The following MEF2A variants were observed in gnomAD, a reference collection of about 807,000 sequenced individuals.
MEF2A encodes myocyte-specific enhancer factor 2A.
A neutral mutation model predicts 55.8 loss-of-function variants in MEF2A; 28 were observed. The observed-to-expected ratio is 0.50, with a 90% confidence interval of 0.37 to 0.69. MEF2A has a LOEUF of 0.69. MEF2A is among the 30% of genes least tolerant of loss of function. The pLI is 0.00. For missense variants in MEF2A, 528 were observed against 626.2 expected (o/e 0.84, Z 1.67); for synonymous variants, 239 against 227.1 (o/e 1.05, Z -0.47).
intron 1 of MEF2A, among the ~76,000 whole-genome samples, chr15:99,595,325 A>G (rs12916210): frequency 0.046 from 7,074 of 152,174 alleles, 183 homozygotes; most frequent in African/African-American, 0.06. Flanking sequence ...TGCATTGTCT[A>G]TAGTTTTAAT....
At chr15:99,704,416 G>T (rs2153803022) in intron 9 of MEF2A, among the ~76,000 whole-genome samples, 1 of 152,274 alleles carries the variant, frequency 6.6e-6, no homozygotes, top group African/African-American at 2.4e-5. Context: ...AATATCTTTT[G>T]GAGAAACACT....
intron 4 of MEF2A, among the ~76,000 whole-genome samples, chr15:99,649,695 A>G (rs1264667512): frequency 6.6e-6 from 1 of 152,182 alleles, no homozygotes; most frequent in African/African-American, 2.4e-5. Context: ...AGGAAACTAC[A>G]GATGGAAATT....
chr15:99,681,268 T>G (rs1056365591), intron 7 of MEF2A, among the ~76,000 whole-genome samples: 4 of 152,192 alleles, frequency 2.6e-5, no homozygotes, highest in African/African-American at 4.8e-5. Flanking sequence ...GCAGGCACAT[T>G]GGCAGTTAAA....
At chr15:99,598,688 G>A (rs1972035928) in intron 2 of MEF2A, among the ~76,000 whole-genome samples, 177 bp downstream of exon 2, 1 of 152,134 alleles carries the variant, frequency 6.6e-6, no homozygotes, top group Admixed American at 6.6e-5. Context: ...GCGTAATATT[G>A]TGTAGTGGCA....
At chr15:99,678,981 G>T (rs1474225021) in intron 7 of MEF2A, among the ~76,000 whole-genome samples, 1 of 152,118 alleles carries the variant, frequency 6.6e-6, no homozygotes, top group Non-Finnish European at 1.5e-5. Context: ...TCTGATAAAT[G>T]TGAAGAAATG....
At chr15:99,612,714 A>T (rs980143710) in intron 2 of MEF2A, among the ~76,000 whole-genome samples, 9 of 152,264 alleles carry the variant, frequency 5.9e-5, no homozygotes, top group African/African-American at 1.9e-4. Flanking sequence ...TTTAAAAAAT[A>T]AATAAAGGAA....
intron 4 of MEF2A, among the ~76,000 whole-genome samples, chr15:99,655,060 G>A (rs1237327263): frequency 6.6e-6 from 1 of 152,090 alleles, no homozygotes; most frequent in East Asian, 1.9e-4. Flanking sequence ...AAACACAGTG[G>A]TAGAGAAAGG....
At chr15:99,705,068 G>A (rs2057865914) in intron 9 of MEF2A, among the ~76,000 whole-genome samples, 3 of 152,322 alleles carry the variant, frequency 2.0e-5, no homozygotes, top group South Asian at 4.1e-4. Context: ...AGCACAGTCC[G>A]TTACAACTTA....
At chr15:99,632,843 T>C (rs1453675787) in intron 2 of MEF2A, 135 bp from the exon 3 acceptor site, 2 of 283,752 alleles carry the variant, frequency 7.0e-6, no homozygotes, top group Non-Finnish European at 1.3e-5. Context: ...TCAACTTATT[T>C]ACTAATTTTG....
intron 3 of MEF2A, among the ~76,000 whole-genome samples, chr15:99,643,682 C>G (rs949377611): frequency 3.3e-5 from 5 of 151,318 alleles, no homozygotes; most frequent in Admixed American, 6.6e-5. Context: ...AGCTCTGCCT[C>G]CAGTGTTCAT....
intron 3 of MEF2A, among the ~76,000 whole-genome samples, chr15:99,634,195 A>T (rs189677127): frequency 1.3e-4 from 20 of 152,312 alleles, no homozygotes; most frequent in Non-Finnish European, 1.5e-5. Flanking sequence ...GAATATAGAT[A>T]TAATTGGAGA....
chr15:99,616,095 TA>T (rs1049991334), intron 2 of MEF2A, among the ~76,000 whole-genome samples: 4 of 151,412 alleles, frequency 2.6e-5, no homozygotes, highest in Admixed American at 2.0e-4. Flanking sequence ...GACTAGTTCT[TA>T]AAAAAAAATT....
At chr15:99,677,878 T>A (rs574318294) in intron 7 of MEF2A, among the ~76,000 whole-genome samples, 76 of 152,166 alleles carry the variant, frequency 5.0e-4, no homozygotes, top group African/African-American at 1.8e-3. Flanking sequence ...ATAACAAAGA[T>A]ACAAGCATTG....
intron 1 of MEF2A, among the ~76,000 whole-genome samples, chr15:99,582,516 T>A (rs1966231102): frequency 6.6e-6 from 1 of 152,122 alleles, no homozygotes; most frequent in South Asian, 2.1e-4. Context: ...GTAATAGATG[T>A]ATACACACTG....
intron 4 of MEF2A, among the ~76,000 whole-genome samples, chr15:99,662,427 A>C (rs1171659413): frequency 6.6e-6 from 1 of 152,162 alleles, no homozygotes; most frequent in Non-Finnish European, 1.5e-5. Flanking sequence ...AAAATATCAC[A>C]ATAATCTAGT....
rs1317178516 is a variant in MEF2A, at chr15:99,713,761, AAAAAT to A, written c.*992_*996del. ...TAGTTTTATTTTAAGAGGGGAAAAC[AAAAAT>A]ATCTTGCAAGCAGAACCTTGGAAAA... is the stretch of plus-strand genomic sequence containing the variant. On this transcript the variant is annotated 3_prime_UTR_variant, in exon 12 of 12. Transcript: ENST00000557942. The A allele has an allele frequency of 1.2e-4, 18 of 152,156 alleles. No individual in the cohort carries two copies. Among genetic ancestry groups the A allele is most frequent in the Non-Finnish European group, 2.5e-4 (17 of 68,022 alleles). 9.4% of individuals were successfully genotyped at this position (152,156 alleles called of 1,614,324 possible). A position where few individuals can be genotyped will look rare whatever the true frequency, so the allele number is the denominator to read the frequency against.
intron 4 of MEF2A, among the ~76,000 whole-genome samples, chr15:99,655,002 T>G (rs546086367): frequency 3.0e-4 from 46 of 152,290 alleles, no homozygotes; most frequent in Middle Eastern, 3.4e-3. Context: ...TAATTCTAAT[T>G]GTACTGTTTA....
intron 4 of MEF2A, among the ~76,000 whole-genome samples, chr15:99,663,953 T>C (rs1039558656): frequency 2.6e-5 from 4 of 152,168 alleles, no homozygotes; most frequent in Non-Finnish European, 4.4e-5. Flanking sequence ...ATTCTGTAAA[T>C]GTTTCCTTGA....
chr15:99,595,380 C>G (rs938135677), intron 1 of MEF2A, among the ~76,000 whole-genome samples: 1 of 151,392 alleles, frequency 6.6e-6, no homozygotes, highest in African/African-American at 2.4e-5. Flanking sequence ...ATTTTTTTTT[C>G]TCATTAAGGA....
Sources: gnomAD v4.1 joint callset for allele counts (sites outside exome capture counted in the v4.1 genomes callset) on GRCh38, gnomAD v4.1.1 for gene constraint, MANE v1.5 for transcripts, NCBI Gene and HGNC (gene_info 2026-07-23, HGNC 2026-07-21) for gene names.